Variants in PBX4 observed in about 807,000 individuals in gnomAD.
PBX4 encodes the protein pre-B-cell leukemia transcription factor 4.
PBX4 carries 26 observed loss-of-function variants against 35.1 expected under a neutral mutation model. That is an observed-to-expected ratio of 0.74 (90% CI 0.54 to 1.03). The LOEUF (loss-of-function observed/expected upper bound fraction) is 1.03, where lower values mean the gene tolerates loss of function less well. PBX4 is among the 50% of genes least tolerant of loss of function. The pLI is 0.00. For missense variants in PBX4, 448 were observed against 504.3 expected (o/e 0.89, Z 1.07); for synonymous variants, 199 against 204.2 (o/e 0.97, Z 0.22).
intron 1 of PBX4, among the ~76,000 whole-genome samples, chr19:19,613,922 C>T (rs562569989): frequency 1.4e-4 from 21 of 152,292 alleles, no homozygotes; most frequent in African/African-American, 3.6e-4. Flanking sequence ...ACAGCACATT[C>T]CTGTTATAAC....
chr19:19,565,506 C>G (rs1470624885), intron 5 of PBX4, among the ~76,000 whole-genome samples: 1 of 152,170 alleles, frequency 6.6e-6, no homozygotes, highest in Admixed American at 6.5e-5. Context: ...TAACTGCGAT[C>G]GAATCCCAAA....
At chr19:19,603,951 C>CA (rs575405663) in intron 1 of PBX4, among the ~76,000 whole-genome samples, 49,757 of 95,250 alleles carry the variant, frequency 0.52, 11,248 homozygotes, top group African/African-American at 0.6. Flanking sequence ...GACTCCATCT[C>CA]AAAAAAAAAA....
chr19:19,605,822 T>C (rs2144782926), intron 1 of PBX4, among the ~76,000 whole-genome samples: 1 of 150,624 alleles, frequency 6.6e-6, no homozygotes, highest in African/African-American at 2.4e-5. Context: ...GCTCTTCTGC[T>C]TCTGTAAAGG....
intron 1 of PBX4, among the ~76,000 whole-genome samples, chr19:19,615,815 G>A (rs1015618998): frequency 3.3e-5 from 5 of 152,052 alleles, no homozygotes; most frequent in Non-Finnish European, 4.4e-5. Flanking sequence ...GCTTGAACCC[G>A]GGAGGCAGAG....
rs888127218 is a variant in PBX4, at chr19:19,562,348, C to A, written c.1033-231G>T. Among the ~76,000 whole-genome samples, 1 of 152,184 alleles carries A rather than the reference C, an allele frequency of 6.6e-6. No individual in the cohort carries two copies. The highest frequency in any genetic ancestry group is 2.4e-5 in the African/African-American group (1 of 41,432). On this transcript the variant is annotated intron_variant, in intron 7 of 7. Coordinates refer to ENST00000251203, the MANE Select transcript of PBX4 (RefSeq NM_025245.3). This position sits in a 1 kb window ranked among gnomAD's most constrained non-coding sequence, Gnocchi z 4.8. Reference sequence around the variant, plus strand: ...CGAGCTTCCCCGGCAGGAAAACTGGCCTCTAGTGGCTTCCCTGGGGCTTAG... The same window carrying A: ...CGAGCTTCCCCGGCAGGAAAACTGGACTCTAGTGGCTTCCCTGGGGCTTAG...
intron 5 of PBX4, among the ~76,000 whole-genome samples, chr19:19,568,375 T>C (rs1233741995): frequency 2.9e-5 from 4 of 136,870 alleles, no homozygotes; most frequent in African/African-American, 8.4e-5. Flanking sequence ...TCACACTCTA[T>C]CAGTATCCCT....
At chr19:19,609,807 C>T (rs1327494649) in intron 1 of PBX4, among the ~76,000 whole-genome samples, 1 of 151,856 alleles carries the variant, frequency 6.6e-6, no homozygotes, top group East Asian at 1.9e-4. Flanking sequence ...GCCGAGATTG[C>T]GCCACCACAC....
chr19:19,569,392 G>A, intron 5 of PBX4, 57 bp downstream of exon 5: 1 of 1,562,196 alleles, frequency 6.4e-7, no homozygotes, highest in African/African-American at 1.4e-5. Flanking sequence ...TGTCCTCATG[G>A]GACCTAGTCA....
At chr19:19,611,112 G>A (rs909570222) in intron 1 of PBX4, among the ~76,000 whole-genome samples, 1 of 152,056 alleles carries the variant, frequency 6.6e-6, no homozygotes, top group Non-Finnish European at 1.5e-5. Flanking sequence ...TATAAGGTCA[G>A]AACATACATA....
chr19:19,584,227 G>A (rs916456395), intron 2 of PBX4, among the ~76,000 whole-genome samples: 5 of 152,194 alleles, frequency 3.3e-5, no homozygotes, highest in Non-Finnish European at 5.9e-5. Context: ...GACAGAGCGA[G>A]ACTCTGATTC....
chr19:19,590,728 C>A (rs2061523317), intron 2 of PBX4, among the ~76,000 whole-genome samples: 1 of 152,162 alleles, frequency 6.6e-6, no homozygotes, highest in African/African-American at 2.4e-5. Flanking sequence ...CTTGGCCTCC[C>A]AAAGTGCTGG....
At chr19:19,589,829 ATGAACCACAGATCTGCCT>A (rs2061515543) in intron 2 of PBX4, among the ~76,000 whole-genome samples, 1 of 152,182 alleles carries the variant, frequency 6.6e-6, no homozygotes, top group Admixed American at 6.5e-5. Context: ...CAGGGCAGAG[ATGAACCACAGATCTGCCT>A]TGTGCTTTCT....
Position 19,588,514 on chromosome 19 carries a change from T to A in PBX4, c.193+10778A>T. 1.9e-5 allele frequency: 10 copies of A among 533,692 alleles called. No homozygotes were observed. The East Asian group carries it at 3.4e-4, about 18-fold the overall frequency. The allele number at this position is 533,692 out of a possible 1,614,324, so 33.1% of individuals were successfully genotyped here. On this transcript the variant is annotated intron_variant, in intron 2 of 7. Transcript: ENST00000251203. ...GGCTGGTCTCGAACTCCTGACCTCG[T>A]GATCTACCCGCCTCACCCTCCGAAA...
intron 1 of PBX4, among the ~76,000 whole-genome samples, chr19:19,604,458 T>G: frequency 1.9e-4 from 1 of 5,244 alleles, no homozygotes; most frequent in South Asian, 9.1e-3. Flanking sequence ...CAGAGCGAGA[T>G]TCCATCTCAA....
intron 2 of PBX4, among the ~76,000 whole-genome samples, chr19:19,573,589 G>GCATATTAGTCATGCA (rs2061400790): frequency 6.6e-6 from 1 of 152,082 alleles, no homozygotes; most frequent in South Asian, 2.1e-4. Context: ...AATTAGTCAT[G>GCATATTAGTCATGCA]CAAATTAGAC....
At chr19:19,571,536 GT>G (rs1376970098) in intron 2 of PBX4, among the ~76,000 whole-genome samples, 1 of 152,174 alleles carries the variant, frequency 6.6e-6, no homozygotes, top group Non-Finnish European at 1.5e-5. Context: ...CACCATCAAG[GT>G]ATACACAGCT....
chr19:19,561,977 C>T lies in PBX4; in HGVS notation c.*48G>A, dbSNP rs369021002. 11 of 1,503,162 alleles carry T rather than the reference C, an allele frequency of 7.3e-6. No homozygotes were observed. Among genetic ancestry groups the T allele is most frequent in the Non-Finnish European group, 9.1e-6 (10 of 1,098,026 alleles). 93.1% of individuals were successfully genotyped at this position (1,503,162 alleles called of 1,614,324 possible). On this transcript the variant is annotated 3_prime_UTR_variant, in exon 8 of 8. Transcript: ENST00000251203. ...CGTTCAGTAACAAAGCAACGGCTGG[C>T]GATACATGGCAGCTCACGCAGCGCT... is the stretch of plus-strand genomic sequence containing the variant.
At position 19,578,428 on chromosome 19, in the gene PBX4, A is replaced by G. The variant is rs2061434008; in HGVS notation, c.194-7595T>C. 2.6e-5 allele frequency among the ~76,000 whole-genome samples: 4 copies of G among 152,076 alleles called. No individual in the cohort carries two copies. In the South Asian group the frequency reaches 8.3e-4, roughly 31 times the overall value. On this transcript the variant is annotated intron_variant, in intron 2 of 7. Transcript: ENST00000251203. Reference sequence around the variant, plus strand: ...TTATGGTCATTAGACATGCATTACCATCAATTACAGCAAGCTCAGTTCCGG... The same window carrying G: ...TTATGGTCATTAGACATGCATTACCGTCAATTACAGCAAGCTCAGTTCCGG...
At chr19:19,569,739 G>A (rs1014664321) in intron 4 of PBX4, among the ~76,000 whole-genome samples, 155 bp from the exon 5 acceptor site, 1 of 151,966 alleles carries the variant, frequency 6.6e-6, no homozygotes, top group Admixed American at 6.6e-5. Context: ...GTGAAACCCC[G>A]TTTCTACTAA....
Sources: gnomAD v4.1 joint callset for allele counts (sites outside exome capture counted in the v4.1 genomes callset) on GRCh38, gnomAD v4.1.1 for gene constraint, Gnocchi (gnomAD v3.1) non-coding constraint, MANE v1.5 for transcripts, NCBI Gene and HGNC (gene_info 2026-07-23, HGNC 2026-07-21) for gene names.